ABAT: variants seen among roughly 807,000 people sequenced by gnomAD.
The protein encoded by ABAT is 4-aminobutyrate aminotransferase, mitochondrial.
A neutral mutation model predicts 64.6 loss-of-function variants in ABAT; 45 were observed. The observed-to-expected ratio is 0.70, with a 90% CI of 0.55 to 0.89. The LOEUF (loss-of-function observed/expected upper bound fraction) is 0.89, where lower values mean the gene tolerates loss of function less well. ABAT is among the 40% of genes least tolerant of loss of function. The probability of loss-of-function intolerance (pLI) is 0.00; values close to 1 mark genes in which losing one functional copy is unlikely to be tolerated. For missense variants in ABAT, 633 were observed against 658.4 expected (o/e 0.96, Z 0.42); for synonymous variants, 297 against 250.5 (o/e 1.19, Z -1.75).
intron 1 of ABAT, among the ~76,000 whole-genome samples, chr16:8,726,128 C>G (rs565468114): frequency 6.6e-6 from 1 of 152,232 alleles, no homozygotes; most frequent in South Asian, 2.1e-4. Context: ...TCTCTATGCC[C>G]GTGACTTCAA....
intron 1 of ABAT, among the ~76,000 whole-genome samples, chr16:8,682,103 C>T (rs2057347033): frequency 1.3e-5 from 2 of 151,882 alleles, no homozygotes; most frequent in African/African-American, 4.8e-5. Flanking sequence ...AACAAGATTG[C>T]CCCTGGTTGA....
At chr16:8,725,687 G>C (rs565573784) in intron 1 of ABAT, among the ~76,000 whole-genome samples, 160 of 152,254 alleles carry the variant, frequency 1.1e-3, no homozygotes, top group African/African-American at 3.8e-3. Context: ...GTATTTGTTT[G>C]AGTCTCTGTT....
intron 14 of ABAT, among the ~76,000 whole-genome samples, chr16:8,777,582 G>A (rs2060304317): frequency 6.6e-6 from 1 of 152,162 alleles, no homozygotes; most frequent in South Asian, 2.1e-4. Flanking sequence ...GTGGGGATGT[G>A]TGTGTGTGAG....
In ABAT at chr16:8,766,134, C is replaced by T. The variant is rs889040510; in HGVS notation, c.541-74C>T. ...CTTTCTACTTGTCTGGACTGAATATCGGTTTGGTTGGAAAGATGAAGCCCC... is the reference window on the plus strand; with the variant it reads ...CTTTCTACTTGTCTGGACTGAATATTGGTTTGGTTGGAAAGATGAAGCCCC... On this transcript the variant is annotated intron_variant, in intron 8 of 15. Coordinates refer to ENST00000268251, the MANE Select transcript of ABAT (RefSeq NM_020686.6). 9.3e-6 allele frequency: 13 copies of T among 1,391,098 alleles called. No homozygotes were observed. In the Admixed American group the frequency reaches 1.4e-4, roughly 15 times the overall value. 86.2% of individuals were successfully genotyped at this position (1,391,098 alleles called of 1,614,324 possible).
At chr16:8,676,604 A>G (rs754774390) in intron 1 of ABAT, among the ~76,000 whole-genome samples, 1 of 152,234 alleles carries the variant, frequency 6.6e-6, no homozygotes, top group Non-Finnish European at 1.5e-5. Flanking sequence ...TGTTGAGGCC[A>G]TTGCCAAATC....
chr16:8,678,419 C>G (rs142348156), intron 1 of ABAT, among the ~76,000 whole-genome samples: 23 of 152,326 alleles, frequency 1.5e-4, no homozygotes, highest in African/African-American at 4.1e-4. Flanking sequence ...CTCCAAAGCA[C>G]TGTTGTGTCT....
chr16:8,735,728 C>A lies in ABAT; in HGVS notation c.-12C>A, dbSNP rs1156826162. The A allele has an allele frequency of 6.3e-7, 1 of 1,596,480 alleles. No homozygotes were observed. The highest frequency in any genetic ancestry group is 8.5e-7 in the Non-Finnish European group (1 of 1,171,246). On this transcript the variant is annotated 5_prime_UTR_variant, in exon 2 of 16. Coordinates refer to ENST00000268251, the MANE Select transcript of ABAT (RefSeq NM_020686.6). ...GCAGCACGCAAAGGGTGTCCCTGTC[C>A]CTCAAGGGGTCATGGCCTCCATGTT...
At position 8,781,163 on chromosome 16, in the gene ABAT, G is replaced by A. The variant is rs12445356; in HGVS notation, c.1382-146G>A. 1 of 1,299,822 alleles carries A rather than the reference G, an allele frequency of 7.7e-7. No individual in the cohort carries two copies. The highest frequency in any genetic ancestry group is 1.5e-5 in the African/African-American group (1 of 68,246). The allele number at this position is 1,299,822 out of a possible 1,614,324, so 80.5% of individuals were successfully genotyped here. ...GACTGGATGGGTGGGTGGTAGGAAG[G>A]AAGCCCGGGCTTCCATGATGGAGGA... On this transcript the variant is annotated intron_variant, in intron 15 of 15. Transcript: ENST00000268251. This position sits in a 1 kb window ranked among gnomAD's most constrained non-coding sequence, Gnocchi z 4.5.
chr16:8,771,657 T>C (rs1162723200), intron 11 of ABAT, among the ~76,000 whole-genome samples: 3 of 151,736 alleles, frequency 2.0e-5, no homozygotes, highest in South Asian at 2.1e-4. Context: ...TTAGTAGAGA[T>C]GGGGTTTCAC....
intron 5 of ABAT, among the ~76,000 whole-genome samples, chr16:8,750,788 G>C (rs1001007942): frequency 1.3e-5 from 2 of 152,148 alleles, no homozygotes; most frequent in African/African-American, 4.8e-5. Context: ...CCATTTTGCA[G>C]ATAGGTAAAC....
intron 5 of ABAT, among the ~76,000 whole-genome samples, chr16:8,754,409 C>T (rs542469214): frequency 1.9e-4 from 29 of 152,036 alleles, no homozygotes; most frequent in African/African-American, 4.3e-4. Context: ...TGAGATTAGC[C>T]GGTGACTGGT....
chr16:8,748,434 CT>C (rs914611048), intron 4 of ABAT, among the ~76,000 whole-genome samples: 4 of 151,998 alleles, frequency 2.6e-5, no homozygotes, highest in South Asian at 2.1e-4. Flanking sequence ...TTTATTGAGC[CT>C]TTTTTTATGG....
rs2058734147 is a variant in ABAT, at chr16:8,731,964, C to T, written c.-41-3735C>T. Among the ~76,000 whole-genome samples, 3 of 152,088 alleles carry T rather than the reference C, an allele frequency of 2.0e-5. No homozygotes were observed. In the South Asian group the frequency reaches 6.2e-4, roughly 32 times the overall value. On this transcript the variant is annotated intron_variant, in intron 1 of 15. Coordinates refer to ENST00000268251, the MANE Select transcript of ABAT (RefSeq NM_020686.6). ...TGCCTCCCGAGTTGAAGTGATTCTC[C>T]TGCCTCAGCCTCCCAAGTAGCTGGG... is the stretch of plus-strand genomic sequence containing the variant.
intron 1 of ABAT, among the ~76,000 whole-genome samples, chr16:8,699,376 G>A (rs1047141088): frequency 1.3e-5 from 2 of 152,046 alleles, no homozygotes; most frequent in Non-Finnish European, 2.9e-5. Flanking sequence ...AGACCAGCCT[G>A]GGCAACATGG....
intron 11 of ABAT, among the ~76,000 whole-genome samples, chr16:8,772,478 C>T (rs2060142013): frequency 6.6e-6 from 1 of 152,188 alleles, no homozygotes; most frequent in Non-Finnish European, 1.5e-5. Context: ...CTCTCCACGA[C>T]CCTGGAAGGT....
At chr16:8,734,924 A>G (rs2058868413) in intron 1 of ABAT, among the ~76,000 whole-genome samples, 1 of 152,050 alleles carries the variant, frequency 6.6e-6, no homozygotes, top group Admixed American at 6.6e-5. Flanking sequence ...AATGGCAATC[A>G]GGGCTGGACA....
At chr16:8,773,872 G>A (rs904409887) in intron 12 of ABAT, among the ~76,000 whole-genome samples, 4 of 152,148 alleles carry the variant, frequency 2.6e-5, no homozygotes, top group African/African-American at 9.7e-5. Context: ...CATTGCTAAT[G>A]ACATAATTTC....
Position 8,693,863 on chromosome 16 carries a change from TCA to T in ABAT, c.-42+19159_-42+19160del, listed in dbSNP as rs540893398. ...TTTTTGTTTTGAGATTAGTGTAGAT[TCA>T]CACACAGTCATAAGAAATGATACAG... On this transcript the variant is annotated intron_variant, in intron 1 of 15. Coordinates refer to ENST00000268251, the MANE Select transcript of ABAT (RefSeq NM_020686.6). 5.9e-5 allele frequency among the ~76,000 whole-genome samples: 9 copies of T among 151,390 alleles called. No individual in the cohort carries two copies. In the East Asian group the frequency reaches 1.8e-3, roughly 30 times the overall value.
chr16:8,739,799 C>G (rs2059112092), intron 2 of ABAT, among the ~76,000 whole-genome samples: 2 of 151,930 alleles, frequency 1.3e-5, no homozygotes, highest in African/African-American at 4.8e-5. Flanking sequence ...CACAGAGTTT[C>G]TTACCTTTAC....
Sources: allele counts gnomAD v4.1 joint callset (sites outside exome capture counted in the v4.1 genomes callset), GRCh38; gene constraint gnomAD v4.1.1; non-coding constraint Gnocchi (gnomAD v3.1); transcripts MANE v1.5; gene names NCBI Gene and HGNC (gene_info 2026-07-23, HGNC 2026-07-21).